Variants in MGST1 observed in about 807,000 individuals in gnomAD.
The protein encoded by MGST1 is glutathione S-transferase 12.
In MGST1, 5 loss-of-function variants were observed where a neutral mutation model predicts 8.9. That is an observed-to-expected ratio of 0.56 (90% CI 0.29 to 1.19). The LOEUF (loss-of-function observed/expected upper bound fraction) is 1.19, where lower values mean the gene tolerates loss of function less well. MGST1 is among the 50% of genes most tolerant of loss of function. MGST1 has a pLI of 0.08. For synonymous variants in MGST1, 54 were observed against 67.8 expected, an observed-to-expected ratio of 0.80 and a Z score of 1.00; for missense variants, 182 against 187.4, an observed-to-expected ratio of 0.97 and a Z score of 0.17.
chr12:16,394,164 A>T, intron 1 of MGST1, among the ~76,000 whole-genome samples: 1 of 152,256 alleles, frequency 6.6e-6, no homozygotes, highest in East Asian at 1.9e-4. Flanking sequence ...CCGTATCTTT[A>T]TCAACACTTG....
chr12:16,365,788 A>G (rs1298500958), downstream of MGST1, among the ~76,000 whole-genome samples: 4 of 151,962 alleles, frequency 2.6e-5, no homozygotes, highest in Non-Finnish European at 5.9e-5. Context: ...GAGTTGGGCA[A>G]CTGACTTATG....
intron 4 of MGST1, among the ~76,000 whole-genome samples, chr12:16,536,082 AGTGT>A (rs10579042): frequency 0.25 from 36,509 of 145,028 alleles, 4,795 homozygotes; most frequent in Middle Eastern, 0.31. Context: ...GGTGTGTGTG[AGTGT>A]GTGTGTGTGT....
intron 4 of MGST1, among the ~76,000 whole-genome samples, chr12:16,577,370 G>A (rs1055911900): frequency 2.0e-5 from 3 of 152,168 alleles, no homozygotes; most frequent in Admixed American, 6.5e-5. Context: ...AATAAGCTGA[G>A]TTATTAAAAT....
Position 16,402,529 on chromosome 12 carries a change from A to G in MGST1, n.778+18925A>G, listed in dbSNP as rs1591718301. On this transcript the variant is annotated intron_variant and non_coding_transcript_variant, in intron 1 of 1. Transcript: ENST00000359720. The stretch of plus-strand genomic sequence containing the variant: ...CACTCTTATTCTTGGTTAGATTTAT[A>G]ATAAGCTACTAACACTTCTTATGCT... 15 of 920,000 alleles carry G rather than the reference A, an allele frequency of 1.6e-5. No homozygotes were observed. In the East Asian group the frequency reaches 3.9e-4, roughly 24 times the overall value. The allele number at this position is 920,000 out of a possible 1,614,324, so 57.0% of individuals were successfully genotyped here.
At chr12:16,557,763 T>C in intron 4 of MGST1, among the ~76,000 whole-genome samples, 1 of 151,970 alleles carries the variant, frequency 6.6e-6, no homozygotes, top group Middle Eastern at 3.2e-3. Context: ...GCAAGAGAGG[T>C]ATTAGTGTTT....
chr12:16,390,051 A>G (rs917773202), intron 1 of MGST1, among the ~76,000 whole-genome samples: 4 of 152,228 alleles, frequency 2.6e-5, no homozygotes, highest in African/African-American at 9.6e-5. Flanking sequence ...AAGCGCTCCA[A>G]AAGGGAGGCC....
At chr12:16,494,412 C>T (rs1460986037) in intron 4 of MGST1, among the ~76,000 whole-genome samples, 5 of 152,058 alleles carry the variant, frequency 3.3e-5, no homozygotes, top group African/African-American at 1.2e-4. Flanking sequence ...AAAATAGTGT[C>T]TTTTGTACAC....
chr12:16,402,007 T>C lies in MGST1; in HGVS notation n.778+18403T>C, dbSNP rs111899674. The C allele has an allele frequency of 3.8e-4, 611 of 1,609,450 alleles. 9 individuals are homozygous for C. The African/African-American group carries it at 7.7e-3, about 20-fold the overall frequency. ...ATGAACTCTCCAGGGAATTTGTCTT[T>C]GCTGAACACTCCAATCTTCTTGCCA... On this transcript the variant is annotated intron_variant and non_coding_transcript_variant, in intron 1 of 1. Coordinates refer to the MGST1 transcript ENST00000359720.
chr12:16,489,584 T>A (rs572389672), intron 4 of MGST1, among the ~76,000 whole-genome samples: 1 of 152,350 alleles, frequency 6.6e-6, no homozygotes, highest in South Asian at 2.1e-4. Context: ...CATTATTCAT[T>A]ACAAGGATTT....
chr12:16,561,401 T>C (rs1942399882), intron 4 of MGST1, among the ~76,000 whole-genome samples: 1 of 152,134 alleles, frequency 6.6e-6, no homozygotes, highest in African/African-American at 2.4e-5. Flanking sequence ...TGCACTTTTT[T>C]ACTAGGAAGC....
chr12:16,589,023 T>C lies in MGST1; in HGVS notation n.483-505T>C, dbSNP rs1246444753. Among the ~76,000 whole-genome samples, 2 of 151,836 alleles carry C rather than the reference T, an allele frequency of 1.3e-5. No homozygotes were observed. The highest frequency in any genetic ancestry group is 2.9e-5 in the Non-Finnish European group (2 of 67,946). On this transcript the variant is annotated intron_variant and non_coding_transcript_variant, in intron 4 of 4. Coordinates refer to the MGST1 transcript ENST00000538857. The surrounding 1 kb of genome is among the most constrained non-coding windows in gnomAD (Gnocchi z 4.2). ...AGAAGAAAACGCAGACTTGGAGAGGTTGAGTAAGTTGCCTAGGAATGTGAA... is the reference window on the plus strand; with the variant it reads ...AGAAGAAAACGCAGACTTGGAGAGGCTGAGTAAGTTGCCTAGGAATGTGAA...
intron 4 of MGST1, among the ~76,000 whole-genome samples, chr12:16,453,264 A>G (rs897703922): frequency 5.9e-5 from 9 of 151,496 alleles, no homozygotes; most frequent in African/African-American, 2.2e-4. Context: ...AGAAGGAAAT[A>G]TGTTTAGGAC....
At chr12:16,475,264 T>A (rs1337197004) in intron 4 of MGST1, among the ~76,000 whole-genome samples, 1 of 152,232 alleles carries the variant, frequency 6.6e-6, no homozygotes, top group African/African-American at 2.4e-5. Flanking sequence ...TACTCTTTTT[T>A]TAATGAACAG....
Position 16,560,344 on chromosome 12 carries a change from A to G in MGST1, n.483-29184A>G. 1 of 1,491,746 alleles carries G rather than the reference A, an allele frequency of 6.7e-7. No individual in the cohort carries two copies. The highest frequency in any genetic ancestry group is 1.3e-5 in the South Asian group (1 of 77,764). 92.4% of individuals were successfully genotyped at this position (1,491,746 alleles called of 1,614,324 possible). On this transcript the variant is annotated intron_variant and non_coding_transcript_variant, in intron 4 of 4. Transcript: ENST00000538857. This position sits in a 1 kb window ranked among gnomAD's most constrained non-coding sequence, Gnocchi z 5.0. Reference sequence around the variant, plus strand: ...CTTTAAATGTATGAATATAATTTCCACCTATTAAATAAATAGCCAGCACAG... The same window carrying G: ...CTTTAAATGTATGAATATAATTTCCGCCTATTAAATAAATAGCCAGCACAG...
chr12:16,483,551 T>C (rs1941379118), intron 4 of MGST1, among the ~76,000 whole-genome samples: 1 of 152,108 alleles, frequency 6.6e-6, no homozygotes, highest in African/African-American at 2.4e-5. Flanking sequence ...ATAGATATAT[T>C]AATATCAGAC....
chr12:16,551,623 A>G (rs1186251395), intron 4 of MGST1, among the ~76,000 whole-genome samples: 1 of 149,914 alleles, frequency 6.7e-6, no homozygotes, highest in Non-Finnish European at 1.5e-5. Flanking sequence ...CACTGGAAAG[A>G]AAAAAAATAA....
Position 16,486,373 on chromosome 12 carries a change from T to C in MGST1, n.482+102769T>C, listed in dbSNP as rs77220733. Among the ~76,000 whole-genome samples the C allele has an allele frequency of 9.7e-3, 1,476 of 152,292 alleles. 8 individuals carry two copies. Among genetic ancestry groups the C allele is most frequent in the Non-Finnish European group, 0.016 (1,060 of 68,026 alleles). ...ATGACTATTTGTTAGATAACTAACA[T>C]TGATGAATATAAAAACAAAGAACAA... is the stretch of plus-strand genomic sequence containing the variant. On this transcript the variant is annotated intron_variant and non_coding_transcript_variant, in intron 4 of 4. Transcript: ENST00000538857.
At chr12:16,356,960 TCA>T (rs1939743139) in intron 2 of MGST1, among the ~76,000 whole-genome samples, 1 of 152,246 alleles carries the variant, frequency 6.6e-6, no homozygotes, top group Non-Finnish European at 1.5e-5. Context: ...TATGTCAACA[TCA>T]CTGTGAAAAA....
In MGST1 at chr12:16,544,221, T is replaced by TACACACACACAC. The variant is rs3029719; in HGVS notation, n.483-45275_483-45264dup. ...TTAAATTGACACCTTAAGTAAGAAC[T>TACACACACACAC]ACACACACACACACACACACACACA... On this transcript the variant is annotated intron_variant and non_coding_transcript_variant, in intron 4 of 4. Transcript: ENST00000538857. The surrounding 1 kb of genome is among the most constrained non-coding windows in gnomAD (Gnocchi z 4.8). Among the ~76,000 whole-genome samples, 622 of 138,872 alleles carry TACACACACACAC rather than the reference T, an allele frequency of 4.5e-3. 2 individuals are homozygous for TACACACACACAC. Among genetic ancestry groups the TACACACACACAC allele is most frequent in the African/African-American group, 0.011 (414 of 36,952 alleles). The allele number at this position is 138,872 out of a possible 152,430, so 91.1% of individuals were successfully genotyped here. A position where few individuals can be genotyped will look rare whatever the true frequency, so the allele number is the denominator to read the frequency against.
Sources: allele counts gnomAD v4.1 joint callset (sites outside exome capture counted in the v4.1 genomes callset), GRCh38; gene constraint gnomAD v4.1.1; non-coding constraint Gnocchi (gnomAD v3.1); transcripts MANE v1.5; gene names NCBI Gene and HGNC (gene_info 2026-07-23, HGNC 2026-07-21).